Variants in ERBIN observed in about 807,000 individuals in gnomAD.
ERBIN encodes densin-180-like protein.
A neutral mutation model predicts 158.4 loss-of-function variants in ERBIN; 60 were observed. The ratio of observed to expected loss-of-function variants is 0.38; its 90% confidence interval spans 0.31 to 0.47. The LOEUF is 0.47. ERBIN is among the 20% of genes least tolerant of loss of function. The probability of loss-of-function intolerance (pLI) is 0.99; values close to 1 mark genes in which losing one functional copy is unlikely to be tolerated. For synonymous variants in ERBIN, 594 were observed against 557.2 expected, an observed-to-expected ratio of 1.07 and a Z score of -0.93; for missense variants, 1,610 against 1,648.0, an observed-to-expected ratio of 0.98 and a Z score of 0.40.
At chr5:65,982,727 G>A (rs1580246667) in intron 1 of ERBIN, among the ~76,000 whole-genome samples, 1 of 152,294 alleles carries the variant, frequency 6.6e-6, no homozygotes, top group East Asian at 1.9e-4. Flanking sequence ...CTATTTGCTG[G>A]GAGTGTTAAA....
At chr5:65,960,152 A>G (rs906035552) in intron 1 of ERBIN, among the ~76,000 whole-genome samples, 2 of 152,260 alleles carry the variant, frequency 1.3e-5, no homozygotes, top group African/African-American at 4.8e-5. Context: ...ACTGCTCCGC[A>G]GTCAAAAAGA....
intron 1 of ERBIN, among the ~76,000 whole-genome samples, chr5:65,941,942 A>C (rs369589316): frequency 6.6e-6 from 1 of 152,066 alleles, no homozygotes; most frequent in Non-Finnish European, 1.5e-5. Flanking sequence ...GGGTTTCACC[A>C]TGTTAGCCAG....
At chr5:65,933,520 G>A (rs1419663424) in intron 1 of ERBIN, among the ~76,000 whole-genome samples, 1 of 152,164 alleles carries the variant, frequency 6.6e-6, no homozygotes, top group Non-Finnish European at 1.5e-5. Flanking sequence ...ACATAGAGCT[G>A]TACTAGAGGC....
At chr5:66,061,587 T>A (rs896875534) in intron 21 of ERBIN, among the ~76,000 whole-genome samples, 25 of 152,364 alleles carry the variant, frequency 1.6e-4, no homozygotes, top group African/African-American at 6.0e-4. Flanking sequence ...CCTGTCATTA[T>A]GATGTTAGCT....
chr5:66,001,230 G>A (rs1455293721), intron 4 of ERBIN, among the ~76,000 whole-genome samples: 1 of 151,904 alleles, frequency 6.6e-6, no homozygotes, highest in African/African-American at 2.4e-5. Context: ...TTATATTTAA[G>A]CTCTAGTGTT....
chr5:66,013,056 C>T (rs1489274937), intron 5 of ERBIN, among the ~76,000 whole-genome samples: 1 of 152,114 alleles, frequency 6.6e-6, no homozygotes, highest in African/African-American at 2.4e-5. Context: ...TGTGTGCATG[C>T]ATGCACACTA....
intron 14 of ERBIN, among the ~76,000 whole-genome samples, chr5:66,038,071 T>C (rs985182830): frequency 6.6e-6 from 1 of 152,224 alleles, no homozygotes; most frequent in Non-Finnish European, 1.5e-5. Flanking sequence ...GTATTAAATA[T>C]ATCACTGTGT....
intron 1 of ERBIN, among the ~76,000 whole-genome samples, chr5:65,943,914 A>G (rs1047840220): frequency 6.6e-6 from 1 of 152,214 alleles, no homozygotes; most frequent in African/African-American, 2.4e-5. Context: ...ATTTTGACCA[A>G]GTACCTCGTG....
chr5:65,993,035 T>A, intron 3 of ERBIN, 128 bp downstream of exon 3: 1 of 658,684 alleles, frequency 1.5e-6, no homozygotes, highest in Non-Finnish European at 2.4e-6. Flanking sequence ...AATTGTATCG[T>A]AGAGTATGCC....
At position 66,044,212 on chromosome 5, in the gene ERBIN, G is replaced by T. The variant is rs150908392; in HGVS notation, c.1504G>T (p.Val502Leu). Residue 502 changes from valine to leucine, a missense_variant, in exon 17 of 26, where the codon GTA (valine) becomes TTA (leucine). Physicochemically the swap from Val to Leu is conservative, Grantham distance 32 (BLOSUM62 1). Transcript: ENST00000284037. ...KNMVKTVQTI[V>L]HRLKDEETNE... ...TATGGTCAAAACTGTTCAAACCATT[G>T]TACATAGATTAAAAGATGAAGAGAC... 13 of 1,611,960 alleles carry T rather than the reference G, an allele frequency of 8.1e-6. No individual in the cohort carries two copies. The Admixed American group carries it at 1.0e-4, about 12-fold the overall frequency.
intron 1 of ERBIN, among the ~76,000 whole-genome samples, chr5:65,952,999 A>G (rs536073815): frequency 4.9e-4 from 74 of 152,346 alleles, no homozygotes; most frequent in African/African-American, 1.7e-3. Context: ...GTATACCATA[A>G]TAAGACCCTG....
At chr5:66,074,743 A>G (rs1356297014) in intron 22 of ERBIN, among the ~76,000 whole-genome samples, 2 of 152,116 alleles carry the variant, frequency 1.3e-5, no homozygotes, top group Non-Finnish European at 2.9e-5. Flanking sequence ...GTAGCTCACA[A>G]AAAAGCAAGT....
At position 66,078,764 on chromosome 5, in the gene ERBIN, G is replaced by A; in HGVS notation, c.*234G>A. The A allele has an allele frequency of 2.2e-6, 1 of 450,516 alleles. No homozygotes were observed. Among genetic ancestry groups the A allele is most frequent in the South Asian group, 3.0e-5 (1 of 33,282 alleles). The allele number at this position is 450,516 out of a possible 1,614,324, so 27.9% of individuals were successfully genotyped here. ...AAAACTTGTTAGGTTTTTAAACATAGCAATCAAGGCTACAAAAACAAACCT... is the reference window on the plus strand; with the variant it reads ...AAAACTTGTTAGGTTTTTAAACATAACAATCAAGGCTACAAAAACAAACCT... On this transcript the variant is annotated 3_prime_UTR_variant, in exon 26 of 26. Coordinates refer to ENST00000284037, the MANE Select transcript of ERBIN (RefSeq NM_001253697.2).
chr5:66,018,920 C>T (rs534664710), intron 7 of ERBIN, among the ~76,000 whole-genome samples: 22 of 151,884 alleles, frequency 1.4e-4, no homozygotes, highest in African/African-American at 5.1e-4. Flanking sequence ...CAGGCGTGAG[C>T]CAGTGCACCT....
At chr5:65,992,180 C>G (rs140204276) in intron 2 of ERBIN, among the ~76,000 whole-genome samples, 2,662 of 152,176 alleles carry the variant, frequency 0.017, 79 homozygotes, top group African/African-American at 0.061. Context: ...GTTTGAGTCT[C>G]GCTCTGTTGC....
Position 66,038,367 on chromosome 5 carries a change from T to A in ERBIN, c.1207-16T>A. The A allele has an allele frequency of 6.4e-7, 1 of 1,551,888 alleles. No individual in the cohort carries two copies. The highest frequency in any genetic ancestry group is 8.8e-7 in the Non-Finnish European group (1 of 1,131,592). ...TTAGGGTTATTGAAAATTAAGCATT[T>A]ATTTTCCTTCTCTAGTCCAAACCCC... is the stretch of plus-strand genomic sequence containing the variant. On this transcript the variant is annotated splice_polypyrimidine_tract_variant and intron_variant, in intron 14 of 25. Coordinates refer to ENST00000284037, the MANE Select transcript of ERBIN (RefSeq NM_001253697.2).
rs1234133070 is a variant in ERBIN at position 66,021,343 on chromosome 5, G to C, written c.555G>C (p.Gln185His). 6.2e-7 allele frequency: 1 copy of C among 1,604,138 alleles called. No individual in the cohort carries two copies. The highest frequency in any genetic ancestry group is 2.2e-5 in the East Asian group (1 of 44,574). ...ACAGAACTATGAATAGACTGACCCA[G>C]CTGGAAAGACTGGATTTGGGAAGTA... ...MLPKTMNRLT[Q>H]LERLDLGSNE... is the part of the protein sequence containing the mutation. The change falls in exon 8 of 26, where the codon CAG (glutamine) becomes CAC (histidine). Residue 185 changes from glutamine to histidine, a missense_variant. Physicochemically the swap from Gln to His is conservative, Grantham distance 24. Around this residue, in one of 2 missense-constraint regions of ERBIN, gnomAD observed 596 missense variants for 711.9 expected, o/e 0.84. Transcript: ENST00000284037.
chr5:66,067,819 TA>T (rs1251608197), intron 21 of ERBIN, among the ~76,000 whole-genome samples: 1 of 151,734 alleles, frequency 6.6e-6, no homozygotes, highest in Non-Finnish European at 1.5e-5. Context: ...ACATGAAAAA[TA>T]AAAAAACTAG....
chr5:65,961,677 T>G (rs1241285775), intron 1 of ERBIN, among the ~76,000 whole-genome samples: 40 of 152,168 alleles, frequency 2.6e-4, no homozygotes, highest in Admixed American at 2.6e-3. Context: ...AATTCCAGCT[T>G]TATTTTGTAA....
Sources: allele counts gnomAD v4.1 joint callset (sites outside exome capture counted in the v4.1 genomes callset), GRCh38; gene constraint gnomAD v4.1.1; regional missense constraint gnomAD v4.1.1; transcripts MANE v1.5; gene names NCBI Gene and HGNC (gene_info 2026-07-23, HGNC 2026-07-21).